Variants in WDR72 observed in about 807,000 individuals in gnomAD.
WDR72 encodes WD repeat domain 72, also known as WD repeat-containing protein 72.
A neutral mutation model predicts 124.2 loss-of-function variants in WDR72; 120 were observed. That is an observed-to-expected ratio of 0.97 (90% CI 0.83 to 1.12). The LOEUF (loss-of-function observed/expected upper bound fraction) is 1.12, where lower values mean the gene tolerates loss of function less well. WDR72 is among the 50% of genes most tolerant of loss of function. The probability of loss-of-function intolerance (pLI) is 0.00; values close to 1 mark genes in which losing one functional copy is unlikely to be tolerated. For missense variants in WDR72, 1,387 were observed against 1,278.8 expected (o/e 1.08, Z -1.29); for synonymous variants, 452 against 441.7 (o/e 1.02, Z -0.29).
At chr15:53,691,936 T>C (rs1221005852) in intron 13 of WDR72, among the ~76,000 whole-genome samples, 1 of 152,212 alleles carries the variant, frequency 6.6e-6, no homozygotes, top group Admixed American at 6.5e-5. Context: ...TAAATATTTT[T>C]TCATTCAATA....
chr15:53,744,357 C>T (rs907357102), intron 1 of WDR72, among the ~76,000 whole-genome samples: 1 of 152,138 alleles, frequency 6.6e-6, no homozygotes, highest in Non-Finnish European at 1.5e-5. Context: ...AGGGCTCAAA[C>T]CATTATTGAG....
chr15:53,741,211 T>C (rs2018500065), intron 1 of WDR72, among the ~76,000 whole-genome samples: 1 of 152,194 alleles, frequency 6.6e-6, no homozygotes. Flanking sequence ...TTTACAAATG[T>C]TATTGTATTG....
rs948752412 is a variant in WDR72, at chr15:53,722,011, G to GATTT, written c.260+787_260+790dup. 7.9e-5 allele frequency among the ~76,000 whole-genome samples: 12 copies of GATTT among 151,210 alleles called. No individual in the cohort carries two copies. The East Asian group carries it at 2.3e-3, about 29-fold the overall frequency. On this transcript the variant is annotated intron_variant, in intron 3 of 19. Coordinates refer to ENST00000360509, the MANE Select transcript of WDR72 (RefSeq NM_182758.4). ...GATAATTGAGTCCTCTCCTCTGTGA[G>GATTT]ATTTATTTATTTATTTATTTTTATT...
At chr15:53,662,871 C>T (rs1595828924) in intron 14 of WDR72, among the ~76,000 whole-genome samples, 1 of 152,048 alleles carries the variant, frequency 6.6e-6, no homozygotes, top group African/African-American at 2.4e-5. Context: ...TTGAGACCAG[C>T]CTGGGCAACA....
At chr15:53,717,604 C>T (rs1303547192) in intron 3 of WDR72, among the ~76,000 whole-genome samples, 2 of 152,064 alleles carry the variant, frequency 1.3e-5, no homozygotes, top group African/African-American at 4.8e-5. Flanking sequence ...CCCCTACATT[C>T]CAAGGACACT....
chr15:53,602,559 G>GA (rs1555412719), intron 17 of WDR72, among the ~76,000 whole-genome samples: 2 of 149,060 alleles, frequency 1.3e-5, no homozygotes, highest in East Asian at 3.9e-4. Context: ...CTGGTTTTTG[G>GA]AAAATAAAAT....
intron 18 of WDR72, 118 bp downstream of exon 18, chr15:53,596,961 C>A (rs1452036205): frequency 1.0e-6 from 1 of 972,240 alleles, no homozygotes; most frequent in African/African-American, 1.6e-5. Context: ...TAGTGAATGT[C>A]TATCACTTGT....
At chr15:53,696,300 G>A (rs902975893) in intron 13 of WDR72, among the ~76,000 whole-genome samples, 1 of 152,218 alleles carries the variant, frequency 6.6e-6, no homozygotes, top group African/African-American at 2.4e-5. Context: ...ACTGGAGTAG[G>A]AAATACACAG....
chr15:53,739,584 T>C (rs28609360), intron 1 of WDR72, among the ~76,000 whole-genome samples: 5,393 of 152,198 alleles, frequency 0.035, 129 homozygotes, highest in African/African-American at 0.068. Flanking sequence ...GAATACCAGA[T>C]AAATTGGATA....
intron 13 of WDR72, among the ~76,000 whole-genome samples, chr15:53,668,111 C>T (rs1418852470): frequency 6.6e-6 from 1 of 152,184 alleles, no homozygotes; most frequent in African/African-American, 2.4e-5. Context: ...AACTGATAAG[C>T]TGCAATATTT....
At chr15:53,627,957 C>A (rs938936177) in intron 14 of WDR72, among the ~76,000 whole-genome samples, 1 of 152,278 alleles carries the variant, frequency 6.6e-6, no homozygotes, top group East Asian at 1.9e-4. Context: ...AATCTATGCT[C>A]TCCAATCTCT....
chr15:53,637,004 G>A (rs1321573088), intron 14 of WDR72, among the ~76,000 whole-genome samples: 1 of 152,050 alleles, frequency 6.6e-6, no homozygotes, highest in Non-Finnish European at 1.5e-5. Context: ...AAGATCCCTT[G>A]CTCTCATTTC....
At chr15:53,738,351 C>T (rs1205814696) in intron 1 of WDR72, among the ~76,000 whole-genome samples, 1 of 151,818 alleles carries the variant, frequency 6.6e-6, no homozygotes, top group African/African-American at 2.4e-5. Context: ...ATAAAAACAA[C>T]AACATATAAG....
rs979931965 is a variant in WDR72 at position 53,671,996 on chromosome 15, C to CGA, written c.1766-6230_1766-6229dup. The stretch of plus-strand genomic sequence containing the variant: ...GAAGGGGAAAGAGGGAGGGAGAGAG[C>CGA]GAGAGAGAGAGAGAGCACTTACAAC... On this transcript the variant is annotated intron_variant, in intron 13 of 19. Transcript: ENST00000360509. 2.3e-4 allele frequency among the ~76,000 whole-genome samples: 33 copies of CGA among 145,810 alleles called. No individual in the cohort carries two copies. The East Asian group carries it at 5.8e-3, about 26-fold the overall frequency.
At chr15:53,713,348 A>C (rs1331543576) in intron 6 of WDR72, among the ~76,000 whole-genome samples, 1 of 151,776 alleles carries the variant, frequency 6.6e-6, no homozygotes, top group Admixed American at 6.6e-5. Context: ...AGAAAGGTCA[A>C]ACAAAAAAAT....
chr15:53,604,507 T>C (rs1396396593), intron 17 of WDR72, among the ~76,000 whole-genome samples: 1 of 152,182 alleles, frequency 6.6e-6, no homozygotes, highest in Non-Finnish European at 1.5e-5. Context: ...AAAGAGCTTC[T>C]GCACAGCGAA....
At chr15:53,726,650 TG>T (rs1362126516) in intron 2 of WDR72, among the ~76,000 whole-genome samples, 1 of 152,012 alleles carries the variant, frequency 6.6e-6, no homozygotes, top group Non-Finnish European at 1.5e-5. Flanking sequence ...AAGACCAGCC[TG>T]GGCAATGTAG....
chr15:53,587,659 G>A (rs773931004), intron 18 of WDR72, among the ~76,000 whole-genome samples: 16 of 151,964 alleles, frequency 1.1e-4, no homozygotes, highest in Non-Finnish European at 1.3e-4. Flanking sequence ...GATCCACTAC[G>A]ATTACTTTTT....
At chr15:53,541,305 C>A (rs1893114526) in intron 18 of WDR72, among the ~76,000 whole-genome samples, 1 of 152,270 alleles carries the variant, frequency 6.6e-6, no homozygotes, top group Non-Finnish European at 1.5e-5. Flanking sequence ...TGAGAACGGG[C>A]AGACTGCCTC....
Sources: gnomAD v4.1 joint callset for allele counts (sites outside exome capture counted in the v4.1 genomes callset) on GRCh38, gnomAD v4.1.1 for gene constraint, MANE v1.5 for transcripts, NCBI Gene and HGNC (gene_info 2026-07-23, HGNC 2026-07-21) for gene names.